KREMEN1: variants seen among roughly 807,000 people sequenced by gnomAD.
KREMEN1 encodes kremen protein 1.
Under a neutral mutation model 46.5 loss-of-function variants are expected in KREMEN1, and 30 were observed. That is an observed-to-expected ratio of 0.65 (90% CI 0.48 to 0.88). The LOEUF (loss-of-function observed/expected upper bound fraction) is 0.88, where lower values mean the gene tolerates loss of function less well. KREMEN1 is among the 40% of genes least tolerant of loss of function. The probability of loss-of-function intolerance (pLI) is 0.00; values close to 1 mark genes in which losing one functional copy is unlikely to be tolerated. For synonymous variants in KREMEN1, 214 were observed against 230.6 expected, an observed-to-expected ratio of 0.93 and a Z score of 0.65; for missense variants, 533 against 596.9, an observed-to-expected ratio of 0.89 and a Z score of 1.11.
intron 3 of KREMEN1, among the ~76,000 whole-genome samples, chr22:29,104,282 G>A (rs1489865296): frequency 6.6e-6 from 1 of 151,176 alleles, no homozygotes; most frequent in African/African-American, 2.4e-5. Context: ...TCAGCCTCCT[G>A]AGTAGCTGGG....
intron 4 of KREMEN1, among the ~76,000 whole-genome samples, chr22:29,121,830 A>G (rs529520550): frequency 9.8e-5 from 15 of 152,370 alleles, no homozygotes; most frequent in African/African-American, 3.6e-4. Flanking sequence ...ATGTTATGTT[A>G]TGTGAATTAC....
intron 1 of KREMEN1, among the ~76,000 whole-genome samples, chr22:29,083,755 C>T (rs568414480): frequency 1.3e-5 from 2 of 152,162 alleles, no homozygotes; most frequent in Admixed American, 1.3e-4. Flanking sequence ...CCACTTGAAC[C>T]TAGGAGGCGG....
chr22:29,097,536 C>T (rs1014345769), intron 2 of KREMEN1, among the ~76,000 whole-genome samples: 4 of 152,204 alleles, frequency 2.6e-5, no homozygotes, highest in Admixed American at 1.3e-4. Context: ...AGGAATAGCA[C>T]CCATTTCTAG....
intron 9 of KREMEN1, among the ~76,000 whole-genome samples, chr22:29,163,296 A>G (rs2039028155): frequency 6.6e-6 from 1 of 152,082 alleles, no homozygotes; most frequent in African/African-American, 2.4e-5. Context: ...AAGTTTCCTG[A>G]GGCCTCCCCA....
At chr22:29,094,108 C>T (rs2037841382) in intron 1 of KREMEN1, 150 bp from the exon 2 acceptor site, 2 of 616,060 alleles carry the variant, frequency 3.2e-6, no homozygotes, top group Non-Finnish European at 5.6e-6. Flanking sequence ...TTTATTCAGC[C>T]CCAGAAGTGT....
chr22:29,120,479 A>G (rs1219867806), intron 3 of KREMEN1, among the ~76,000 whole-genome samples: 1 of 98,636 alleles, frequency 1.0e-5, no homozygotes, highest in Non-Finnish European at 2.0e-5. Flanking sequence ...TGATGGAAAC[A>G]GGGAGGAAGG....
chr22:29,130,807 G>C (rs1601799044), intron 5 of KREMEN1, among the ~76,000 whole-genome samples: 1 of 152,188 alleles, frequency 6.6e-6, no homozygotes, highest in East Asian at 1.9e-4. Flanking sequence ...GGCTTGCCCA[G>C]GTCTATCCTG....
In KREMEN1 at chr22:29,156,728, C is replaced by G. The variant is rs188691549; in HGVS notation, c.1417-10316C>G. Among the ~76,000 whole-genome samples the G allele has an allele frequency of 3.5e-4, 53 of 152,348 alleles. 1 individual carries two copies. The East Asian group carries it at 8.7e-3, about 25-fold the overall frequency. On this transcript the variant is annotated intron_variant, in intron 9 of 9. Transcript: ENST00000327813. Reference sequence around the variant, plus strand: ...ACTCGGGGGAGCCCCAGGGCCTGCACGCAGAGCTGGGAGGAGCAAGGCTGC... The same window carrying G: ...ACTCGGGGGAGCCCCAGGGCCTGCAGGCAGAGCTGGGAGGAGCAAGGCTGC...
chr22:29,102,225 CA>C (rs1381084799), intron 3 of KREMEN1, among the ~76,000 whole-genome samples: 1 of 152,130 alleles, frequency 6.6e-6, no homozygotes, highest in Admixed American at 6.5e-5. Flanking sequence ...CTGAGGCCTC[CA>C]GGGGGAAAGG....
Position 29,125,285 on chromosome 22 carries a change from A to C in KREMEN1, c.500A>C (p.Tyr167Ser), listed in dbSNP as rs774077658. Residue 167 changes from tyrosine to serine, a missense_variant, in exon 5 of 9, where the codon TAT becomes TCT. Coordinates refer to ENST00000400335, the MANE Select transcript of KREMEN1 (RefSeq NM_001039570.3). ...RFKFAGMESG[Y>S]ACFCGNNPDY... ...CAGTTTGCTGGGATGGAGTCAGGCT[A>C]TGCTTGCTTCTGTGGAAACAATCCT... The C allele has an allele frequency of 5.6e-6, 9 of 1,614,170 alleles. No homozygotes were observed. Among genetic ancestry groups the C allele is most frequent in the Non-Finnish European group, 7.6e-6 (9 of 1,180,012 alleles).
chr22:29,102,518 C>G (rs181316600), intron 3 of KREMEN1, among the ~76,000 whole-genome samples: 6 of 152,278 alleles, frequency 3.9e-5, no homozygotes, highest in Admixed American at 2.6e-4. Context: ...CTGTGTCATT[C>G]TCTTGGGAGT....
rs117990432 is a variant in KREMEN1 at position 29,127,640 on chromosome 22, G to A, written c.631+2224G>A. 2.4e-3 allele frequency among the ~76,000 whole-genome samples: 365 copies of A among 151,886 alleles called. 11 individuals carry two copies. In the East Asian group the frequency reaches 0.059, roughly 25 times the overall value. On this transcript the variant is annotated intron_variant, in intron 5 of 8. Coordinates refer to ENST00000400335, the MANE Select transcript of KREMEN1 (RefSeq NM_001039570.3). ...ATAGCGCTCTGCCTGGCGACAGAGC[G>A]AGACTCCATCTCAAAAAAAAAAAGT...
chr22:29,143,306 C>A lies in KREMEN1; in HGVS notation c.*1194C>A. 1.0e-6 allele frequency: 1 copy of A among 985,474 alleles called. No individual in the cohort carries two copies. The highest frequency in any genetic ancestry group is 1.2e-6 in the Non-Finnish European group (1 of 829,946). 61.0% of individuals were successfully genotyped at this position (985,474 alleles called of 1,614,324 possible). ...ATGGTCCTATGGAACCTGAGCCAGG[C>A]CTCAGTCTCTCCATGATTGGCTCAG... On this transcript the variant is annotated 3_prime_UTR_variant, in exon 9 of 9. Transcript: ENST00000400335.
At chr22:29,086,733 T>A (rs1452062842) in intron 1 of KREMEN1, among the ~76,000 whole-genome samples, 2 of 152,134 alleles carry the variant, frequency 1.3e-5, no homozygotes, top group African/African-American at 4.8e-5. Flanking sequence ...TGTGAATATT[T>A]GACGGCACTG....
chr22:29,094,459 T>C lies in KREMEN1; in HGVS notation c.260+39T>C, dbSNP rs755999779. On this transcript the variant is annotated intron_variant, in intron 2 of 8. Coordinates refer to ENST00000400335, the MANE Select transcript of KREMEN1 (RefSeq NM_001039570.3). ...ACTCAGTACTTTAAAAAGATAGATATATATCTAGTCTCTTCTTCCAACCCC... is the reference window on the plus strand; with the variant it reads ...ACTCAGTACTTTAAAAAGATAGATACATATCTAGTCTCTTCTTCCAACCCC... The C allele has an allele frequency of 1.1e-5, 17 of 1,565,160 alleles. No individual in the cohort carries two copies. In the African/African-American group the frequency reaches 2.2e-4, roughly 20 times the overall value.
At chr22:29,159,129 T>TTTTG (rs1569342852) in intron 9 of KREMEN1, among the ~76,000 whole-genome samples, 1 of 22,590 alleles carries the variant, frequency 4.4e-5, no homozygotes. Flanking sequence ...CAAGTGTTTT[T>TTTTG]TTTTTTTTTT....
chr22:29,167,816 G>A (rs759989445), exon 10 of KREMEN1: 1 of 152,162 alleles, frequency 6.6e-6, no homozygotes, highest in Non-Finnish European at 1.5e-5. Context: ...AGCAGGATTT[G>A]GGCATTCCTG....
In KREMEN1 at chr22:29,138,629, A is replaced by G; in HGVS notation, c.970A>G (p.Lys324Glu). Residue 324 changes from lysine to glutamate, a missense_variant, in exon 7 of 9, where the codon AAG becomes GAG. Lys to Glu is a moderately conservative substitution (Grantham distance 56). Coordinates refer to ENST00000400335, the MANE Select transcript of KREMEN1 (RefSeq NM_001039570.3). ...AATTGCTTTTTCTCTTCCAGCCGTC[A>G]AGGAAGAACTGCCACAGGAGAGGCC... is the stretch of plus-strand genomic sequence containing the variant. ...QGFAVLYQAV[K>E]EELPQERPAV... 4 of 1,614,180 alleles carry G rather than the reference A, an allele frequency of 2.5e-6. No homozygotes were observed. The highest frequency in any genetic ancestry group is 3.4e-6 in the Non-Finnish European group (4 of 1,180,006).
chr22:29,101,805 G>T (rs1252674061), intron 3 of KREMEN1, among the ~76,000 whole-genome samples: 1 of 152,164 alleles, frequency 6.6e-6, no homozygotes, highest in Non-Finnish European at 1.5e-5. Context: ...CTCAGTTTGT[G>T]CAAGTGCACT....
Sources: gnomAD v4.1 joint callset for allele counts (sites outside exome capture counted in the v4.1 genomes callset) on GRCh38, gnomAD v4.1.1 for gene constraint, MANE v1.5 for transcripts, NCBI Gene and HGNC (gene_info 2026-07-23, HGNC 2026-07-21) for gene names.